SAMD5: variants seen among roughly 807,000 people sequenced by gnomAD.
SAMD5 encodes sterile alpha motif domain-containing protein 5.
A neutral mutation model predicts 11.3 loss-of-function variants in SAMD5; 13 were observed. That is an observed-to-expected ratio of 1.15 (90% CI 0.75 to 1.83). SAMD5 has a LOEUF of 1.83. Ranked by LOEUF, SAMD5 falls within the 40% of genes most tolerant of loss-of-function variation. The pLI is 0.00. For synonymous variants in SAMD5, 129 were observed against 111.3 expected, an observed-to-expected ratio of 1.16 and a Z score of -1.00; for missense variants, 255 against 239.1, an observed-to-expected ratio of 1.07 and a Z score of -0.44.
chr6:147,601,530 G>A (rs1320452716), intron 1 of SAMD5, among the ~76,000 whole-genome samples: 4 of 152,042 alleles, frequency 2.6e-5, no homozygotes, highest in Non-Finnish European at 4.4e-5. Context: ...TAGAGAGTAG[G>A]AACTTTGGTA....
chr6:147,597,253 A>C (rs2128447769), intron 1 of SAMD5, among the ~76,000 whole-genome samples: 1 of 152,322 alleles, frequency 6.6e-6, no homozygotes, highest in African/African-American at 2.4e-5. Context: ...CTGTCTGATT[A>C]ATTAATCTAT....
At chr6:147,909,616 CTT>C in the SAMD5 span, among the ~76,000 whole-genome samples, 17 of 70,052 alleles carry the variant, frequency 2.4e-4, no homozygotes, top group Non-Finnish European at 3.3e-4. Flanking sequence ...TTCTTTCTTT[CTT>C]TCTTTCTTTC....
rs1256761435 is a variant in SAMD5 at position 147,568,925 on chromosome 6, T to C, written c.*4469T>C. 1 of 980,048 alleles carries C rather than the reference T, an allele frequency of 1.0e-6. No individual in the cohort carries two copies. The highest frequency in any genetic ancestry group is 1.1e-4 in the East Asian group (1 of 8,788). 60.7% of individuals were successfully genotyped at this position (980,048 alleles called of 1,614,324 possible). ...AAGGCTTAAAGGGAAAAAAAAATGG[T>C]AGGTAGTTCAGAAAAAAATGGCTGG... On this transcript the variant is annotated 3_prime_UTR_variant, in exon 2 of 2. Transcript: ENST00000367474.
chr6:147,632,243 G>A (rs1335062147), intron 1 of SAMD5, among the ~76,000 whole-genome samples: 1 of 152,212 alleles, frequency 6.6e-6, no homozygotes, highest in Non-Finnish European at 1.5e-5. Flanking sequence ...AAGCGGCCTT[G>A]AGAAGAGTTT....
At chr6:147,652,490 A>G (rs1790499596) in intron 1 of SAMD5, among the ~76,000 whole-genome samples, 1 of 152,198 alleles carries the variant, frequency 6.6e-6, no homozygotes, top group South Asian at 2.1e-4. Flanking sequence ...ATGGATCAGT[A>G]GCAATCATGG....
the SAMD5 span, among the ~76,000 whole-genome samples, chr6:147,909,601 T>TTCTTTCTTTCTTTCTTTTCTTTCTTTC: frequency 1.4e-5 from 1 of 71,676 alleles, no homozygotes; most frequent in East Asian, 3.8e-4. Context: ...TCTTTCTTTC[T>TTCTTTCTTTCTTTCTTTTCTTTCTTTC]TTCTTTCTTT....
chr6:147,849,227 T>A, the SAMD5 span, among the ~76,000 whole-genome samples: 3 of 151,884 alleles, frequency 2.0e-5, no homozygotes, highest in Non-Finnish European at 2.9e-5. Flanking sequence ...CTTAATTTTT[T>A]AAAAAAGTTC....
the SAMD5 span, among the ~76,000 whole-genome samples, chr6:147,945,589 C>T: frequency 6.6e-6 from 1 of 152,014 alleles, no homozygotes; most frequent in East Asian, 1.9e-4. Context: ...AGTAGAAAAA[C>T]TTCCTAGAGG....
intron 1 of SAMD5, among the ~76,000 whole-genome samples, chr6:147,519,774 T>G (rs1474435730): frequency 6.6e-6 from 1 of 152,232 alleles, no homozygotes; most frequent in Non-Finnish European, 1.5e-5. Flanking sequence ...AAAGGACACG[T>G]AAGATGCTAA....
intron 1 of SAMD5, among the ~76,000 whole-genome samples, chr6:147,693,419 A>G (rs1791131694): frequency 6.6e-6 from 1 of 152,240 alleles, no homozygotes; most frequent in Non-Finnish European, 1.5e-5. Context: ...AGGAAGATTC[A>G]TAAGGCCGTA....
chr6:147,867,547 TC>T, the SAMD5 span, among the ~76,000 whole-genome samples: 3 of 152,144 alleles, frequency 2.0e-5, no homozygotes, highest in Admixed American at 2.0e-4. Context: ...AATTAAGTCT[TC>T]CCCTGGCTGA....
chr6:147,814,315 A>G, the SAMD5 span, among the ~76,000 whole-genome samples: 1 of 152,218 alleles, frequency 6.6e-6, no homozygotes, highest in African/African-American at 2.4e-5. Flanking sequence ...AAGTATATTC[A>G]CGCATATTCA....
At chr6:147,570,102 G>T (rs75113502), downstream of SAMD5, 301 of 773,576 alleles carry the variant, frequency 3.9e-4, no homozygotes, top group African/African-American at 5.4e-3. Flanking sequence ...TTGACAATAT[G>T]TAAATATTTA....
intron 1 of SAMD5, among the ~76,000 whole-genome samples, chr6:147,697,018 G>A (rs1583143489): frequency 6.6e-6 from 1 of 152,190 alleles, no homozygotes; most frequent in East Asian, 1.9e-4. Flanking sequence ...TCCCTTATCT[G>A]GTGAGGCCCA....
chr6:147,568,157 A>C lies in SAMD5; in HGVS notation c.*3701A>C. The C allele has an allele frequency of 1.0e-6, 1 of 985,334 alleles. No individual in the cohort carries two copies. The highest frequency in any genetic ancestry group is 1.2e-6 in the Non-Finnish European group (1 of 829,854). The allele number at this position is 985,334 out of a possible 1,614,324, so 61.0% of individuals were successfully genotyped here. On this transcript the variant is annotated 3_prime_UTR_variant, in exon 2 of 2. Coordinates refer to ENST00000367474, the MANE Select transcript of SAMD5 (RefSeq NM_001030060.3). ...TGCAAATGGGCTGTTCCCCGATAGC[A>C]TCTTCTGGGAAGAATCCAACCAAGA...
At chr6:147,943,424 A>G in the SAMD5 span, among the ~76,000 whole-genome samples, 1 of 151,742 alleles carries the variant, frequency 6.6e-6, no homozygotes, top group Non-Finnish European at 1.5e-5. Context: ...TCCCACCCCA[A>G]TCTGCTTCTT....
At chr6:147,722,969 T>G (rs1412891925) in intron 1 of SAMD5, among the ~76,000 whole-genome samples, 1 of 152,016 alleles carries the variant, frequency 6.6e-6, no homozygotes, top group Non-Finnish European at 1.5e-5. Context: ...GTGCTCAGTG[T>G]GGGTCTGGGA....
the SAMD5 span, among the ~76,000 whole-genome samples, chr6:147,915,919 AG>A: frequency 1.9e-5 from 2 of 105,632 alleles, no homozygotes; most frequent in African/African-American, 7.4e-5. Flanking sequence ...ACCCCACAAC[AG>A]GCCCCGGTGT....
In SAMD5 at chr6:147,509,075, C is replaced by A. The variant is rs1430133431; in HGVS notation, c.147C>A (p.Pro49=). ...TGGATGCCATCGGGGTGCTGGCGCC[C>A]GCGCACCGCCGCCGTATCCTGGAGG... ...PDLDAIGVLA[P]AHRRRILEAV... Residue 49 remains proline, a synonymous_variant, in exon 1 of 2, where the codon CCC becomes CCA. Coordinates refer to ENST00000367474, the MANE Select transcript of SAMD5 (RefSeq NM_001030060.3). The A allele has an allele frequency of 2.5e-6, 4 of 1,599,598 alleles. No homozygotes were observed. Among genetic ancestry groups the A allele is most frequent in the Non-Finnish European group, 3.4e-6 (4 of 1,174,404 alleles).
Sources: allele counts gnomAD v4.1 joint callset (sites outside exome capture counted in the v4.1 genomes callset), GRCh38; gene constraint gnomAD v4.1.1; transcripts MANE v1.5; gene names NCBI Gene and HGNC (gene_info 2026-07-23, HGNC 2026-07-21).